The following PHLPP1 variants were observed in gnomAD, a reference collection of about 807,000 sequenced individuals.
PHLPP1 encodes PH domain and leucine rich repeat protein phosphatase 1, also known as PH domain leucine-rich repeat-containing protein phosphatase 1.
Under a neutral mutation model 117.2 loss-of-function variants are expected in PHLPP1, and 42 were observed. That is an observed-to-expected ratio of 0.36 (90% CI 0.28 to 0.46). The LOEUF (loss-of-function observed/expected upper bound fraction) is 0.46, where lower values mean the gene tolerates loss of function less well. Ranked by LOEUF, PHLPP1 falls within the 20% of genes least tolerant of loss-of-function variation. The pLI is 1.00. For missense variants in PHLPP1, 2,084 were observed against 2,241.9 expected, an observed-to-expected ratio of 0.93 and a Z score of 1.42; for synonymous variants, 1,042 against 970.7, an observed-to-expected ratio of 1.07 and a Z score of -1.37.
At chr18:62,882,990 TA>T (rs1214503262) in intron 4 of PHLPP1, among the ~76,000 whole-genome samples, 1 of 149,296 alleles carries the variant, frequency 6.7e-6, no homozygotes, top group Admixed American at 6.7e-5. Flanking sequence ...ACTTATTTAA[TA>T]AATGTTGGTA....
intron 1 of PHLPP1, among the ~76,000 whole-genome samples, chr18:62,828,024 G>A (rs1396222133): frequency 2.0e-5 from 3 of 151,868 alleles, no homozygotes; most frequent in Non-Finnish European, 2.9e-5. Context: ...GTGTGTGTGT[G>A]TGTGTGTGTG....
chr18:62,936,839 G>A (rs1909983261), intron 10 of PHLPP1, among the ~76,000 whole-genome samples: 1 of 152,192 alleles, frequency 6.6e-6, no homozygotes, highest in African/African-American at 2.4e-5. Context: ...TGAAGTGTCA[G>A]CCTTGTGAAG....
At chr18:62,792,029 T>G (rs1913475086) in intron 1 of PHLPP1, among the ~76,000 whole-genome samples, 1 of 152,184 alleles carries the variant, frequency 6.6e-6, no homozygotes, top group Non-Finnish European at 1.5e-5. Flanking sequence ...TAGTTTAGAT[T>G]CCTATAACCA....
chr18:62,743,850 A>C (rs1911602223), intron 1 of PHLPP1, among the ~76,000 whole-genome samples: 1 of 151,974 alleles, frequency 6.6e-6, no homozygotes, highest in Non-Finnish European at 1.5e-5. Flanking sequence ...AGTTTCTCAC[A>C]GGGTGAGTTT....
In PHLPP1 at chr18:62,972,536, G is replaced by A. The variant is rs188189105; in HGVS notation, c.3583G>A (p.Val1195Met). The A allele has an allele frequency of 1.3e-5, 21 of 1,612,866 alleles. No individual in the cohort carries two copies. In the East Asian group the frequency reaches 4.2e-4, roughly 33 times the overall value. The change falls in exon 15 of 17, where the codon GTG (valine) becomes ATG (methionine). Residue 1195 changes from valine (V) to methionine (M), a missense_variant. Around this residue, in one of 2 missense-constraint regions of PHLPP1, gnomAD observed 1,365 missense variants for 1,605.9 expected, o/e 0.85. Transcript: ENST00000262719. ...CAGGTTGTGTGTCGCAGCCCTGTCG[G>A]TGAATAACTTCTGTGACAACCGCGA... ...KNKLCVAALS[V>M]NNFCDNREAL...
intron 10 of PHLPP1, among the ~76,000 whole-genome samples, chr18:62,921,563 G>A (rs1442691864): frequency 6.6e-6 from 1 of 152,152 alleles, no homozygotes; most frequent in East Asian, 1.9e-4. Context: ...CATGTGGCCA[G>A]TGACTGTGTC....
At chr18:62,925,672 A>T (rs1909608194) in intron 10 of PHLPP1, among the ~76,000 whole-genome samples, 1 of 150,314 alleles carries the variant, frequency 6.7e-6, no homozygotes, top group Non-Finnish European at 1.5e-5. Context: ...TTCAGTGACG[A>T]GGGCTATCTT....
At chr18:62,746,293 CCTT>C (rs758980273) in intron 1 of PHLPP1, among the ~76,000 whole-genome samples, 4 of 152,132 alleles carry the variant, frequency 2.6e-5, no homozygotes, top group Non-Finnish European at 5.9e-5. Context: ...GATCCACCCT[CCTT>C]GGCCTCCCAA....
intron 1 of PHLPP1, among the ~76,000 whole-genome samples, chr18:62,803,711 T>C (rs1913852134): frequency 6.6e-6 from 1 of 152,218 alleles, no homozygotes; most frequent in South Asian, 2.1e-4. Context: ...GGTAAATCTG[T>C]AGGAATGGAG....
chr18:62,958,329 A>C (rs567676682), intron 12 of PHLPP1, among the ~76,000 whole-genome samples: 104 of 152,378 alleles, frequency 6.8e-4, no homozygotes, highest in Non-Finnish European at 1.3e-3. Flanking sequence ...AAAATCTATT[A>C]GGATTTTTTA....
In PHLPP1 at chr18:62,978,762, C is replaced by T. The variant is rs776996951; in HGVS notation, c.4485C>T (p.Ser1495=). Residue 1495 remains serine (S), a synonymous_variant, in exon 17 of 17, where the codon TCC becomes TCT. Coordinates refer to ENST00000262719, the MANE Select transcript of PHLPP1 (RefSeq NM_194449.4). The surrounding 1 kb of genome is among the most constrained non-coding windows in gnomAD (Gnocchi z 7.0). ...GCAGCGAGGTGGGGTCAACAGCCTC[C>T]GATGAGCCCCCGCCCGGAGCCCTAA... ...EMSSEVGSTA[S]DEPPPGALSE... is the part of the protein sequence containing the mutation. 2.2e-5 allele frequency: 36 copies of T among 1,612,998 alleles called. No individual in the cohort carries two copies. The Middle Eastern group carries it at 1.5e-3, about 66-fold the overall frequency.
chr18:62,856,875 C>T (rs1370394422), intron 3 of PHLPP1, among the ~76,000 whole-genome samples: 1 of 152,086 alleles, frequency 6.6e-6, no homozygotes, highest in Non-Finnish European at 1.5e-5. Context: ...TCTCACCAAC[C>T]TATTTAAATT....
chr18:62,961,286 C>G (rs1159231333), intron 13 of PHLPP1, among the ~76,000 whole-genome samples: 1 of 152,118 alleles, frequency 6.6e-6, no homozygotes, highest in Non-Finnish European at 1.5e-5. Context: ...AAGAGCGAAA[C>G]TCCGTCTCAA....
chr18:62,848,216 G>A (rs1915228651), intron 3 of PHLPP1, among the ~76,000 whole-genome samples: 1 of 152,066 alleles, frequency 6.6e-6, no homozygotes, highest in Non-Finnish European at 1.5e-5. Flanking sequence ...ATTTATTTGT[G>A]AGGTCAGCCC....
At chr18:62,850,387 G>A (rs960448399) in intron 3 of PHLPP1, among the ~76,000 whole-genome samples, 1 of 143,328 alleles carries the variant, frequency 7.0e-6, no homozygotes, top group Non-Finnish European at 1.5e-5. Flanking sequence ...ACTCCATCTC[G>A]GGGGGGCGGG....
chr18:62,925,681 T>G (rs1909608692), intron 10 of PHLPP1, among the ~76,000 whole-genome samples: 1 of 152,218 alleles, frequency 6.6e-6, no homozygotes, highest in African/African-American at 2.4e-5. Flanking sequence ...GAGGGCTATC[T>G]TTTGACATTC....
chr18:62,932,122 T>C (rs1175278982), intron 10 of PHLPP1, among the ~76,000 whole-genome samples: 1 of 151,910 alleles, frequency 6.6e-6, no homozygotes, highest in Non-Finnish European at 1.5e-5. Context: ...ATTGAGTCAA[T>C]AATAAAAATC....
intron 5 of PHLPP1, 61 bp downstream of exon 5, chr18:62,895,218 G>A: frequency 2.6e-6 from 4 of 1,538,304 alleles, no homozygotes; most frequent in East Asian, 2.3e-5. Flanking sequence ...CTGCATTGGG[G>A]GTGTGGCACA....
intron 9 of PHLPP1, 65 bp downstream of exon 9, chr18:62,915,073 C>A: frequency 8.7e-7 from 1 of 1,149,370 alleles, no homozygotes; most frequent in Non-Finnish European, 1.3e-6. Flanking sequence ...ATTGCTGATT[C>A]AGTGTTTAAC....
Sources: gnomAD v4.1 joint callset for allele counts (sites outside exome capture counted in the v4.1 genomes callset) on GRCh38, gnomAD v4.1.1 for gene constraint, gnomAD v4.1.1 regional missense constraint, Gnocchi (gnomAD v3.1) non-coding constraint, MANE v1.5 for transcripts, NCBI Gene and HGNC (gene_info 2026-07-23, HGNC 2026-07-21) for gene names.